The following MALRD1 variants were observed in gnomAD, a reference collection of about 807,000 sequenced individuals.
MALRD1 encodes the protein MAM and LDL receptor class A domain containing 1, also known as MAM and LDL-receptor class A domain-containing protein 1.
Under a neutral mutation model 242.1 loss-of-function variants are expected in MALRD1, and 247 were observed. The observed-to-expected ratio is 1.02, with a 90% CI of 0.92 to 1.13. The LOEUF is 1.13. MALRD1 is among the 50% of genes most tolerant of loss of function. The pLI, the probability that MALRD1 is intolerant of heterozygous loss-of-function variation, is 0.00. For missense variants in MALRD1, 2,989 were observed against 2,533.1 expected (o/e 1.18, Z -3.86); for synonymous variants, 995 against 866.6 (o/e 1.15, Z -2.60).
At chr10:19,171,527 C>A (rs1372969707) in intron 13 of MALRD1, among the ~76,000 whole-genome samples, 1 of 136,386 alleles carries the variant, frequency 7.3e-6, no homozygotes, top group East Asian at 2.2e-4. Context: ...TATATAAATA[C>A]ACACACACAT....
chr10:19,267,455 G>T (rs561949315), intron 19 of MALRD1, among the ~76,000 whole-genome samples: 1 of 151,930 alleles, frequency 6.6e-6, no homozygotes, highest in African/African-American at 2.4e-5. Context: ...TTGTTGAACT[G>T]GGTTGATTAC....
rs112202836 is a variant in MALRD1, at chr10:19,304,336, C to CTCT, written c.3420-19613_3420-19612insTCT. Among the ~76,000 whole-genome samples, 346 of 151,582 alleles carry CTCT rather than the reference C, an allele frequency of 2.3e-3. 2 individuals are homozygous for CTCT. The highest frequency in any genetic ancestry group is 7.6e-3 in the African/African-American group (314 of 41,372). Reference sequence around the variant, plus strand: ...CCACAATGTCTGTCTGTCTATCCCTCATCTCTCTCTCTCTCTCTGCCTCTC... The same window carrying CTCT: ...CCACAATGTCTGTCTGTCTATCCCTCTCTATCTCTCTCTCTCTCTCTGCCTCTC... On this transcript the variant is annotated intron_variant, in intron 21 of 39. Coordinates refer to ENST00000454679, the MANE Select transcript of MALRD1 (RefSeq NM_001142308.3).
chr10:19,209,747 C>T (rs1407478195), intron 18 of MALRD1, 67 bp downstream of exon 18: 30 of 1,376,554 alleles, frequency 2.2e-5, no homozygotes, highest in South Asian at 1.1e-4. Flanking sequence ...TATGAAAGAT[C>T]GCTGTATTCT....
At chr10:19,514,782 G>A (rs1449077040) in intron 31 of MALRD1, among the ~76,000 whole-genome samples, 1 of 152,044 alleles carries the variant, frequency 6.6e-6, no homozygotes, top group Non-Finnish European at 1.5e-5. Flanking sequence ...TTGTTTCCTA[G>A]GTCAATTATC....
At chr10:19,603,871 A>G (rs1005765109) in intron 34 of MALRD1, among the ~76,000 whole-genome samples, 4 of 152,108 alleles carry the variant, frequency 2.6e-5, no homozygotes, top group Admixed American at 1.3e-4. Context: ...AAGATGGTAA[A>G]TTTAATTGAT....
Position 19,387,632 on chromosome 10 carries a change from G to A in MALRD1, c.4546G>A (p.Glu1516Lys), listed in dbSNP as rs12771333. The A allele has an allele frequency of 0.14, 211,197 of 1,550,002 alleles. 15,229 individuals are homozygous for A. The highest frequency in any genetic ancestry group is 0.17 in the South Asian group (14,147 of 84,034). ...DNCGDNTDEN[E>K]CGSSCTFEKG... ...CTGTGGAGATAATACTGATGAAAAT[G>A]AGTGTGGTAGCTCCTGTACTTTTGA... Residue 1516 changes from glutamate (E) to lysine (K), a missense_variant, in exon 27 of 40, where the codon GAG becomes AAG. Coordinates refer to ENST00000454679, the MANE Select transcript of MALRD1 (RefSeq NM_001142308.3).
intron 21 of MALRD1, among the ~76,000 whole-genome samples, chr10:19,304,361 C>T (rs1460146534): frequency 1.3e-5 from 2 of 151,654 alleles, no homozygotes; most frequent in Non-Finnish European, 3.0e-5. Context: ...CTCTGCCTCT[C>T]TGTATCATCT....
At chr10:19,066,918 C>G (rs1834998322) in intron 2 of MALRD1, 59 bp downstream of exon 2, 1 of 1,191,536 alleles carries the variant, frequency 8.4e-7, no homozygotes, top group East Asian at 3.2e-5. Flanking sequence ...TTCCTTCCCT[C>G]CCTTCCTTCT....
intron 33 of MALRD1, among the ~76,000 whole-genome samples, chr10:19,572,559 A>T (rs1392166955): frequency 6.6e-6 from 1 of 152,212 alleles, no homozygotes; most frequent in Non-Finnish European, 1.5e-5. Context: ...GATTATTTCC[A>T]TAGAGAAGTT....
intron 18 of MALRD1, among the ~76,000 whole-genome samples, chr10:19,227,761 C>T (rs1032690259): frequency 1.3e-5 from 2 of 152,000 alleles, no homozygotes; most frequent in Non-Finnish European, 2.9e-5. Flanking sequence ...AATAACAAAA[C>T]ACAGATAACT....
rs538729524 is a variant in MALRD1 at position 19,681,019 on chromosome 10, A to G, written c.6138-11263A>G. On this transcript the variant is annotated intron_variant, in intron 36 of 39. Transcript: ENST00000454679. ...GGTTTCTGCTGAGAGGTCTGCTGTT[A>G]GTCTGATGGGCTTCTCTTTGTAGAT... 2.0e-4 allele frequency among the ~76,000 whole-genome samples: 31 copies of G among 152,308 alleles called. 1 individual carries two copies. The South Asian group carries it at 6.2e-3, about 31-fold the overall frequency.
chr10:19,153,074 A>G (rs1834000545), intron 11 of MALRD1, among the ~76,000 whole-genome samples: 1 of 152,172 alleles, frequency 6.6e-6, no homozygotes, highest in African/African-American at 2.4e-5. Context: ...TCTTTTCAAC[A>G]TTTAGATAGG....
At chr10:19,186,269 G>T (rs1055035900) in intron 14 of MALRD1, among the ~76,000 whole-genome samples, 1 of 152,080 alleles carries the variant, frequency 6.6e-6, no homozygotes, top group Non-Finnish European at 1.5e-5. Flanking sequence ...CAGACAAACC[G>T]CTCTAGACAG....
intron 28 of MALRD1, among the ~76,000 whole-genome samples, chr10:19,413,975 A>AC (rs1306908322): frequency 6.6e-6 from 1 of 151,574 alleles, no homozygotes; most frequent in Non-Finnish European, 1.5e-5. Flanking sequence ...CAAAAAAAAA[A>AC]AAACAATGAT....
At chr10:19,686,089 C>T (rs1842570587) in intron 36 of MALRD1, among the ~76,000 whole-genome samples, 1 of 152,066 alleles carries the variant, frequency 6.6e-6, no homozygotes, top group East Asian at 1.9e-4. Context: ...GAAAGAGTTC[C>T]ACCGAGGGGC....
chr10:19,203,375 G>A (rs749008177), intron 14 of MALRD1, among the ~76,000 whole-genome samples: 3 of 152,090 alleles, frequency 2.0e-5, no homozygotes, highest in Admixed American at 6.6e-5. Context: ...GAACAATGAT[G>A]CCTCCCAGCT....
intron 36 of MALRD1, among the ~76,000 whole-genome samples, chr10:19,645,480 A>C (rs1021743333): frequency 5.9e-5 from 9 of 152,244 alleles, no homozygotes; most frequent in East Asian, 1.9e-4. Flanking sequence ...AACCAAGCCA[A>C]ATGTCCAACA....
At position 19,263,491 on chromosome 10, in the gene MALRD1, TG is replaced by T. The variant is rs199953388; in HGVS notation, c.3079+5721del. 0.016 allele frequency among the ~76,000 whole-genome samples: 2,319 copies of T among 149,058 alleles called. 82 individuals are homozygous for T. In the East Asian group the frequency reaches 0.16, roughly 11 times the overall value. ...CCCCTCTTAAAATTGGATTATTTGT[TG>T]TTTTTTTTTGTTTTGTTTGTTTTTG... On this transcript the variant is annotated intron_variant, in intron 19 of 39. Transcript: ENST00000454679.
chr10:19,118,815 C>T (rs1836964658), intron 5 of MALRD1, among the ~76,000 whole-genome samples: 1 of 152,028 alleles, frequency 6.6e-6, no homozygotes, highest in African/African-American at 2.4e-5. Flanking sequence ...TTTATATATC[C>T]AGCTATAAAT....
Sources: gnomAD v4.1 joint callset for allele counts (sites outside exome capture counted in the v4.1 genomes callset) on GRCh38, gnomAD v4.1.1 for gene constraint, MANE v1.5 for transcripts, NCBI Gene and HGNC (gene_info 2026-07-23, HGNC 2026-07-21) for gene names.